ZC3H12B: variants seen among roughly 807,000 people sequenced by gnomAD.
ZC3H12B encodes the protein zinc finger CCCH-type containing 12B, also known as probable ribonuclease ZC3H12B.
In ZC3H12B, 7 loss-of-function variants were observed where a neutral mutation model predicts 43.9. The observed-to-expected ratio is 0.16, with a 90% confidence interval of 0.09 to 0.30. ZC3H12B has a LOEUF of 0.30. Ranked by LOEUF, ZC3H12B falls within the 10% of genes least tolerant of loss-of-function variation. The pLI is 1.00. For missense variants in ZC3H12B, 475 were observed against 670.2 expected (o/e 0.71, Z 3.22); for synonymous variants, 222 against 241.7 (o/e 0.92, Z 0.76).
At chrX:65,367,695 A>T (rs1387375681) in intron 1 of ZC3H12B, among the ~76,000 whole-genome samples, 1 of 111,398 alleles carries the variant, frequency 9.0e-6, no homozygotes, top group Non-Finnish European at 1.9e-5. Flanking sequence ...AAACCTTCAG[A>T]ATATCCCAAA....
the ZC3H12B span, among the ~76,000 whole-genome samples, chrX:65,247,670 A>G: frequency 8.9e-6 from 1 of 112,257 alleles, no homozygotes; most frequent in African/African-American, 3.2e-5. Flanking sequence ...TCTCACTTAT[A>G]AGTGGGGGCA....
At chrX:65,179,342 C>T in the ZC3H12B span, among the ~76,000 whole-genome samples, 1 of 108,608 alleles carries the variant, frequency 9.2e-6, no homozygotes, top group Non-Finnish European at 1.9e-5. Flanking sequence ...ACCACCATGG[C>T]ATGTGTATAC....
chrX:65,158,125 G>A, the ZC3H12B span, among the ~76,000 whole-genome samples: 7 of 108,508 alleles, frequency 6.5e-5, 1 homozygote, highest in Non-Finnish European at 3.8e-5. Flanking sequence ...TGGCTGCATA[G>A]TATTCCATGG....
At chrX:65,326,855 G>A in the ZC3H12B span, among the ~76,000 whole-genome samples, 1 of 110,881 alleles carries the variant, frequency 9.0e-6, no homozygotes, top group African/African-American at 3.3e-5. Flanking sequence ...CATACAGATG[G>A]CCCACAGATA....
At chrX:65,299,615 TTTAAA>T in the ZC3H12B span, among the ~76,000 whole-genome samples, 13 of 112,019 alleles carry the variant, frequency 1.2e-4, no homozygotes, top group African/African-American at 3.9e-4. Flanking sequence ...AAATTCTGCA[TTTAAA>T]TTAAATTAAA....
At chrX:65,217,676 C>G in the ZC3H12B span, among the ~76,000 whole-genome samples, 4 of 111,808 alleles carry the variant, frequency 3.6e-5, no homozygotes, top group Admixed American at 3.8e-4. Flanking sequence ...AAAAATGCAT[C>G]ATTGTCTTCC....
chrX:65,078,411 C>T, the ZC3H12B span, among the ~76,000 whole-genome samples: 5 of 111,698 alleles, frequency 4.5e-5, no homozygotes, highest in East Asian at 2.8e-4. Flanking sequence ...GTAAAAGAAT[C>T]GAGTGAAGGA....
chrX:65,111,544 TA>T, the ZC3H12B span, among the ~76,000 whole-genome samples: 11 of 91,855 alleles, frequency 1.2e-4, no homozygotes, highest in African/African-American at 8.6e-4. Flanking sequence ...TTTATTTTTT[TA>T]TTTTTTTATT....
chrX:65,266,687 G>T, the ZC3H12B span, among the ~76,000 whole-genome samples: 2 of 111,406 alleles, frequency 1.8e-5, no homozygotes, highest in African/African-American at 6.5e-5. Flanking sequence ...AGTTGCTACT[G>T]CCAGAGGGAG....
At chrX:65,394,761 G>T (rs953822123) in intron 2 of ZC3H12B, among the ~76,000 whole-genome samples, 20 of 111,903 alleles carry the variant, frequency 1.8e-4, no homozygotes, top group Admixed American at 2.8e-4. Flanking sequence ...TAGCTTGATG[G>T]AAATAGAATT....
chrX:65,270,689 A>T, the ZC3H12B span, among the ~76,000 whole-genome samples: 1 of 112,477 alleles, frequency 8.9e-6, no homozygotes, highest in Non-Finnish European at 1.9e-5. Flanking sequence ...GCATGAACAA[A>T]GTGAGAATTT....
At chrX:65,149,815 T>TAAA in the ZC3H12B span, among the ~76,000 whole-genome samples, 1 of 93,044 alleles carries the variant, frequency 1.1e-5, no homozygotes, top group Admixed American at 1.2e-4. Context: ...ATAATAATAA[T>TAAA]AAATAAAAGT....
the ZC3H12B span, among the ~76,000 whole-genome samples, chrX:65,110,465 G>A: frequency 1.9e-5 from 2 of 107,064 alleles, no homozygotes; most frequent in African/African-American, 3.4e-5. Context: ...GAGTAACTTT[G>A]GTATAAGACA....
At chrX:65,141,226 C>T in the ZC3H12B span, among the ~76,000 whole-genome samples, 4 of 110,124 alleles carry the variant, frequency 3.6e-5, no homozygotes, top group African/African-American at 1.3e-4. Flanking sequence ...TGCTGAATTT[C>T]GTAAGTTTTG....
chrX:65,397,810 A>C (rs1447445239), intron 2 of ZC3H12B, among the ~76,000 whole-genome samples: 4 of 112,018 alleles, frequency 3.6e-5, no homozygotes, highest in Non-Finnish European at 7.5e-5. Context: ...GAAATGAAGA[A>C]CATCCAAATT....
the ZC3H12B span, among the ~76,000 whole-genome samples, chrX:65,309,825 G>T: frequency 9.0e-6 from 1 of 111,510 alleles, no homozygotes; most frequent in Non-Finnish European, 1.9e-5. Context: ...TTCATCCCTG[G>T]GATACAAACC....
the ZC3H12B span, among the ~76,000 whole-genome samples, chrX:65,140,984 T>C: frequency 8.9e-6 from 1 of 111,890 alleles, no homozygotes; most frequent in African/African-American, 3.2e-5. Context: ...AGTTGTTGAT[T>C]CTGTTTTATG....
chrX:65,053,756 C>T, the ZC3H12B span, among the ~76,000 whole-genome samples: 1 of 111,586 alleles, frequency 9.0e-6, no homozygotes, highest in Non-Finnish European at 1.9e-5. Context: ...TCTCCACATC[C>T]CCTCCAGCAC....
At chrX:65,501,722 CA>C in intron 4 of ZC3H12B, 66 bp from the exon 10 acceptor site, 1 of 1,037,908 alleles carries the variant, frequency 9.6e-7, no homozygotes, top group Non-Finnish European at 1.3e-6. Context: ...CAGATTGTTA[CA>C]ACAGTTTTTG....
Sources: gnomAD v4.1 joint callset for allele counts (sites outside exome capture counted in the v4.1 genomes callset) on GRCh38, gnomAD v4.1.1 for gene constraint, MANE v1.5 for transcripts, NCBI Gene and HGNC (gene_info 2026-07-23, HGNC 2026-07-21) for gene names.